The following MALRD1 variants were observed in gnomAD, a reference collection of about 807,000 sequenced individuals.
MALRD1 encodes the protein MAM and LDL-receptor class A domain-containing protein 1.
In MALRD1, 247 loss-of-function variants were observed where a neutral mutation model predicts 242.1. The observed-to-expected ratio is 1.02, with a 90% CI of 0.92 to 1.13. The LOEUF (loss-of-function observed/expected upper bound fraction) is 1.13, where lower values mean the gene tolerates loss of function less well. Among genes scored for constraint, MALRD1 ranks in the 50% most tolerant of loss-of-function variants. The pLI is 0.00. For synonymous variants in MALRD1, 995 were observed against 866.6 expected (o/e 1.15, Z -2.60); for missense variants, 2,989 against 2,533.1 (o/e 1.18, Z -3.86).
At chr10:19,262,529 A>T (rs1296937775) in intron 19 of MALRD1, among the ~76,000 whole-genome samples, 1 of 151,854 alleles carries the variant, frequency 6.6e-6, no homozygotes, top group African/African-American at 2.4e-5. Flanking sequence ...GGTGGCACAC[A>T]CTTGTAATCC....
At chr10:19,722,943 C>T (rs1834839733) in intron 38 of MALRD1, among the ~76,000 whole-genome samples, 1 of 152,020 alleles carries the variant, frequency 6.6e-6, no homozygotes, top group Non-Finnish European at 1.5e-5. Context: ...AAGTCTAGGA[C>T]CCAGTGCAAT....
At chr10:19,393,020 C>T (rs944186303) in intron 28 of MALRD1, among the ~76,000 whole-genome samples, 1 of 152,126 alleles carries the variant, frequency 6.6e-6, no homozygotes, top group Non-Finnish European at 1.5e-5. Flanking sequence ...AAGTTATAAA[C>T]TCAAGGTCAC....
At chr10:19,495,544 CA>C (rs1837676160) in intron 30 of MALRD1, among the ~76,000 whole-genome samples, 1 of 151,780 alleles carries the variant, frequency 6.6e-6, no homozygotes, top group African/African-American at 2.4e-5. Context: ...TTCAGACAAG[CA>C]AATGCTGAGA....
At chr10:19,142,556 C>A (rs1166173427) in intron 10 of MALRD1, among the ~76,000 whole-genome samples, 1 of 152,144 alleles carries the variant, frequency 6.6e-6, no homozygotes, top group Non-Finnish European at 1.5e-5. Flanking sequence ...ATTACTTTAA[C>A]TGATGAACTC....
intron 36 of MALRD1, among the ~76,000 whole-genome samples, chr10:19,687,793 A>C (rs1164147289): frequency 6.6e-6 from 1 of 152,228 alleles, no homozygotes; most frequent in Admixed American, 6.5e-5. Flanking sequence ...CCAATCTAAT[A>C]AATAGATGAG....
chr10:19,723,100 C>T (rs1432643786), intron 38 of MALRD1, among the ~76,000 whole-genome samples: 2 of 152,162 alleles, frequency 1.3e-5, no homozygotes, highest in Non-Finnish European at 2.9e-5. Flanking sequence ...AGGCACTTAA[C>T]TCATGATGAC....
intron 18 of MALRD1, among the ~76,000 whole-genome samples, chr10:19,244,917 C>G (rs995655530): frequency 2.0e-5 from 3 of 152,152 alleles, no homozygotes; most frequent in African/African-American, 7.2e-5. Flanking sequence ...CTCTGCACCT[C>G]CCGTAGGTGG....
chr10:19,703,726 C>G (rs896154596), intron 38 of MALRD1, among the ~76,000 whole-genome samples: 19 of 152,114 alleles, frequency 1.2e-4, no homozygotes, highest in Non-Finnish European at 5.9e-5. Context: ...AAAACCCTAT[C>G]TCTACTAAAA....
intron 25 of MALRD1, among the ~76,000 whole-genome samples, chr10:19,350,464 A>G (rs1844326584): frequency 1.3e-5 from 2 of 151,824 alleles, no homozygotes; most frequent in East Asian, 2.0e-4. Flanking sequence ...TTTAGTAAAG[A>G]CAGGGTTTCA....
rs112951911 is a variant in MALRD1 at position 19,632,183 on chromosome 10, C to A, written c.6137+16260C>A. Among the ~76,000 whole-genome samples the A allele has an allele frequency of 3.6e-3, 545 of 152,276 alleles. 3 individuals carry two copies. The highest frequency in any genetic ancestry group is 5.8e-3 in the Non-Finnish European group (395 of 68,008). On this transcript the variant is annotated intron_variant, in intron 36 of 39. Transcript: ENST00000454679. Reference sequence around the variant, plus strand: ...CAAGGAGTAGACCTTGGTTAACTAGCTTCTAATGAGAACTGGCACTGTGGT... The same window carrying A: ...CAAGGAGTAGACCTTGGTTAACTAGATTCTAATGAGAACTGGCACTGTGGT...
intron 28 of MALRD1, among the ~76,000 whole-genome samples, chr10:19,441,094 G>C (rs1834619367): frequency 1.3e-5 from 2 of 152,274 alleles, no homozygotes; most frequent in Non-Finnish European, 2.9e-5. Flanking sequence ...CTGATGGCCA[G>C]TGATGATGAG....
At chr10:19,613,911 C>T (rs988091386) in intron 35 of MALRD1, among the ~76,000 whole-genome samples, 2 of 152,042 alleles carry the variant, frequency 1.3e-5, no homozygotes, top group Non-Finnish European at 2.9e-5. Context: ...GCTGCTGATT[C>T]TCTCTGGAAA....
At chr10:19,096,839 G>A (rs563007215) in intron 4 of MALRD1, among the ~76,000 whole-genome samples, 76 of 152,240 alleles carry the variant, frequency 5.0e-4, no homozygotes, top group African/African-American at 1.8e-3. Context: ...GGTCCCAGCT[G>A]GATCCCAGCT....
At chr10:19,400,756 C>T (rs1354456960) in intron 28 of MALRD1, among the ~76,000 whole-genome samples, 1 of 152,132 alleles carries the variant, frequency 6.6e-6, no homozygotes, top group Non-Finnish European at 1.5e-5. Context: ...TAGCTCACGC[C>T]TATAATCCCA....
intron 8 of MALRD1, 138 bp downstream of exon 8, chr10:19,128,525 G>C (rs976477091): frequency 1.2e-5 from 6 of 499,044 alleles, no homozygotes; most frequent in African/African-American, 9.9e-5. Flanking sequence ...CTTTTAAAAA[G>C]AATGATTAAG....
chr10:19,238,115 A>G (rs1453666090), intron 18 of MALRD1, among the ~76,000 whole-genome samples: 1 of 37,396 alleles, frequency 2.7e-5, no homozygotes, highest in Non-Finnish European at 4.4e-5. Context: ...TATATAACAT[A>G]CATAATATAT....
chr10:19,120,837 G>A (rs954041081), intron 5 of MALRD1, among the ~76,000 whole-genome samples: 7 of 152,000 alleles, frequency 4.6e-5, no homozygotes, highest in African/African-American at 9.7e-5. Context: ...CCTGCCTCCC[G>A]GGTTCAACTG....
intron 18 of MALRD1, among the ~76,000 whole-genome samples, chr10:19,246,391 C>T (rs1839044977): frequency 6.6e-6 from 1 of 152,076 alleles, no homozygotes; most frequent in Admixed American, 6.6e-5. Flanking sequence ...GCTGAATATA[C>T]CCAGAGGGGG....
intron 21 of MALRD1, among the ~76,000 whole-genome samples, chr10:19,294,121 TAAC>T (rs1425067809): frequency 6.6e-6 from 1 of 152,176 alleles, no homozygotes; most frequent in African/African-American, 2.4e-5. Context: ...AATAAAATAA[TAAC>T]TTTTATATCT....
Sources: allele counts gnomAD v4.1 joint callset (sites outside exome capture counted in the v4.1 genomes callset), GRCh38; gene constraint gnomAD v4.1.1; transcripts MANE v1.5; gene names NCBI Gene and HGNC (gene_info 2026-07-23, HGNC 2026-07-21).